The following OSBPL6 variants were observed in gnomAD, a reference collection of about 807,000 sequenced individuals.
OSBPL6 encodes oxysterol-binding protein-related protein 6.
Under a neutral mutation model 125.8 loss-of-function variants are expected in OSBPL6, and 49 were observed. That is an observed-to-expected ratio of 0.39 (90% CI 0.31 to 0.49). The LOEUF (loss-of-function observed/expected upper bound fraction) is 0.49. Among genes scored for constraint, OSBPL6 ranks in the 20% least tolerant of loss-of-function variants. OSBPL6 has a pLI of 0.88. For synonymous variants in OSBPL6, 394 were observed against 391.8 expected, an observed-to-expected ratio of 1.01 and a Z score of -0.07; for missense variants, 986 against 1,135.4, an observed-to-expected ratio of 0.87 and a Z score of 1.89.
chr2:178,243,663 G>T (rs941837686), intron 1 of OSBPL6, among the ~76,000 whole-genome samples: 8 of 151,848 alleles, frequency 5.3e-5, no homozygotes, highest in African/African-American at 1.9e-4. Context: ...TTGTTTCTTT[G>T]TTTGTTTTGA....
intron 12 of OSBPL6, among the ~76,000 whole-genome samples, chr2:178,360,197 C>CT (rs1692217189): frequency 6.6e-6 from 1 of 152,128 alleles, no homozygotes; most frequent in Non-Finnish European, 1.5e-5. Context: ...AAAACAGTGA[C>CT]TACCAGGATG....
intron 2 of OSBPL6, among the ~76,000 whole-genome samples, chr2:178,304,074 A>T (rs952895817): frequency 6.6e-6 from 1 of 152,128 alleles, no homozygotes; most frequent in African/African-American, 2.4e-5. Flanking sequence ...CACAGTTCCG[A>T]AGGCTGGGAA....
At chr2:178,384,015 C>T in intron 17 of OSBPL6, 24 bp from the exon 18 acceptor site, 1 of 1,610,946 alleles carries the variant, frequency 6.2e-7, no homozygotes, top group Non-Finnish European at 8.5e-7. Context: ...CTATATTATT[C>T]CCTTTTCTTC....
At chr2:178,284,468 A>G (rs1208061098) in intron 1 of OSBPL6, among the ~76,000 whole-genome samples, 1 of 152,068 alleles carries the variant, frequency 6.6e-6, no homozygotes, top group Admixed American at 6.6e-5. Context: ...CAGGAGAATC[A>G]CTTGAACCCA....
chr2:178,291,191 C>T (rs1290766296), intron 2 of OSBPL6, among the ~76,000 whole-genome samples: 1 of 151,838 alleles, frequency 6.6e-6, no homozygotes, highest in African/African-American at 2.4e-5. Context: ...TTTTTCTCCC[C>T]AACTCCATTT....
At position 178,391,188 on chromosome 2, in the gene OSBPL6, C is replaced by A. The variant is rs1276875567; in HGVS notation, c.2417C>A (p.Ala806Asp). The change falls in exon 22 of 25, where the codon GCC becomes GAC. Residue 806 changes from alanine (A) to aspartate (D), a missense_variant. Physicochemically the swap from Ala to Asp is moderately radical, Grantham distance 126. Around this residue, in one of 3 missense-constraint regions of OSBPL6, gnomAD observed 843 missense variants for 997.3 expected, o/e 0.85. Transcript: ENST00000190611. Reference protein sequence around the residue: ...KWHEGLYCGVAPSAKCIWRPG... With the variant: ...KWHEGLYCGVDPSAKCIWRPG... ...CATGAAGGACTCTACTGTGGTGTGG[C>A]CCCCTCTGCAAAGTGCATTTGGAGA... 6.2e-7 allele frequency: 1 copy of A among 1,611,160 alleles called. No homozygotes were observed. Among genetic ancestry groups the A allele is most frequent in the Non-Finnish European group, 8.5e-7 (1 of 1,178,850 alleles).
intron 13 of OSBPL6, among the ~76,000 whole-genome samples, chr2:178,371,465 A>T (rs1292537455): frequency 6.6e-6 from 1 of 152,200 alleles, no homozygotes; most frequent in Non-Finnish European, 1.5e-5. Context: ...TGTTATGAGG[A>T]GAACTTAGAG....
chr2:178,259,493 A>G (rs2091989532), intron 1 of OSBPL6, among the ~76,000 whole-genome samples: 1 of 152,236 alleles, frequency 6.6e-6, no homozygotes, highest in South Asian at 2.1e-4. Context: ...TTCATTTAAA[A>G]GAAATCAGGA....
chr2:178,274,382 A>G (rs989720480), intron 1 of OSBPL6, among the ~76,000 whole-genome samples: 1 of 151,930 alleles, frequency 6.6e-6, no homozygotes, highest in Non-Finnish European at 1.5e-5. Context: ...TTATGATAAT[A>G]GCAAGCACTT....
At chr2:178,269,712 A>G (rs1157250020) in intron 1 of OSBPL6, among the ~76,000 whole-genome samples, 2 of 152,200 alleles carry the variant, frequency 1.3e-5, no homozygotes, top group Non-Finnish European at 2.9e-5. Flanking sequence ...AGTAGGCTCC[A>G]GAGAGCAGGA....
chr2:178,251,731 A>C (rs2154003184), intron 1 of OSBPL6, among the ~76,000 whole-genome samples: 1 of 152,308 alleles, frequency 6.6e-6, no homozygotes, highest in South Asian at 2.1e-4. Flanking sequence ...TAAATTCTAA[A>C]TTCCTATAAC....
At chr2:178,384,339 A>G (rs1694746360) in intron 18 of OSBPL6, among the ~76,000 whole-genome samples, 163 bp downstream of exon 18, 2 of 152,216 alleles carry the variant, frequency 1.3e-5, no homozygotes, top group South Asian at 2.1e-4. Flanking sequence ...TTATTTTGCC[A>G]AGGTTAAGGA....
At position 178,324,225 on chromosome 2, in the gene OSBPL6, G is replaced by C. The variant is rs751701371; in HGVS notation, c.151G>C (p.Val51Leu). 1.3e-6 allele frequency: 2 copies of C among 1,583,928 alleles called. No individual in the cohort carries two copies. Among genetic ancestry groups the C allele is most frequent in the African/African-American group, 1.3e-5 (1 of 74,674 alleles). Residue 51 changes from valine to leucine, a missense_variant, in exon 4 of 25, where the codon GTA becomes CTA. Physicochemically the swap from Val to Leu is conservative, Grantham distance 32 (BLOSUM62 1). Around this residue, in one of 3 missense-constraint regions of OSBPL6, gnomAD observed 130 missense variants for 106.4 expected, o/e 1.22. Transcript: ENST00000190611. ...TGCTTCCTCTAGCACCGAGCCCTCT[G>C]TAAGTCGGCAATTGCTAGAACCGGA... ...RTASSSTEPSVSRQLLEPEPV... is the reference protein window; with the variant it reads ...RTASSSTEPSLSRQLLEPEPV...
intron 13 of OSBPL6, among the ~76,000 whole-genome samples, chr2:178,366,320 A>G (rs1169649657): frequency 6.6e-6 from 1 of 152,202 alleles, no homozygotes; most frequent in Non-Finnish European, 1.5e-5. Flanking sequence ...TCTTGAATAC[A>G]TTACATTTTA....
intron 11 of OSBPL6, among the ~76,000 whole-genome samples, chr2:178,347,094 TC>T (rs2154087220): frequency 6.6e-6 from 1 of 151,916 alleles, no homozygotes; most frequent in South Asian, 2.1e-4. Flanking sequence ...AGCATCTGAC[TC>T]CAACATTTAA....
At chr2:178,210,028 T>G (rs1026003386) in intron 1 of OSBPL6, among the ~76,000 whole-genome samples, 2 of 151,738 alleles carry the variant, frequency 1.3e-5, no homozygotes, top group Non-Finnish European at 2.9e-5. Context: ...ATTTATTTAT[T>G]TATTTATTTG....
rs889661332 is a variant in OSBPL6, at chr2:178,400,543, C to G, written c.*4984C>G. ...CTCAAGTGTTTCACCCGCCTCAGCC[C>G]CCCAAAGTGCTGGGATTACAGGTGT... On this transcript the variant is annotated 3_prime_UTR_variant, in exon 25 of 25. Coordinates refer to ENST00000190611, the MANE Select transcript of OSBPL6 (RefSeq NM_032523.4). 6 of 152,000 alleles carry G rather than the reference C, an allele frequency of 3.9e-5. No homozygotes were observed. Among genetic ancestry groups the G allele is most frequent in the Admixed American group, 3.9e-4 (6 of 15,260 alleles). The allele number at this position is 152,000 out of a possible 1,614,324, so 9.4% of individuals were successfully genotyped here.
At chr2:178,295,090 T>C (rs1478893967) in intron 2 of OSBPL6, among the ~76,000 whole-genome samples, 2 of 152,172 alleles carry the variant, frequency 1.3e-5, no homozygotes, top group Non-Finnish European at 2.9e-5. Context: ...TTTTATCTTA[T>C]TAATATTTTT....
chr2:178,379,806 C>T (rs1694296254), intron 15 of OSBPL6, among the ~76,000 whole-genome samples: 1 of 152,156 alleles, frequency 6.6e-6, no homozygotes, highest in Non-Finnish European at 1.5e-5. Context: ...AAATATGAAT[C>T]AGAAAAAGAT....
Sources: allele counts gnomAD v4.1 joint callset (sites outside exome capture counted in the v4.1 genomes callset), GRCh38; gene constraint gnomAD v4.1.1; regional missense constraint gnomAD v4.1.1; transcripts MANE v1.5; gene names NCBI Gene and HGNC (gene_info 2026-07-23, HGNC 2026-07-21).